WDR17: variants seen among roughly 807,000 people sequenced by gnomAD.
The protein encoded by WDR17 is WD repeat-containing protein 17.
Under a neutral mutation model 161.7 loss-of-function variants are expected in WDR17, and 143 were observed. That is an observed-to-expected ratio of 0.88 (90% CI 0.77 to 1.02). WDR17 has a LOEUF of 1.02. Among genes scored for constraint, WDR17 ranks in the 50% least tolerant of loss-of-function variants. The probability of loss-of-function intolerance (pLI) is 0.00; values close to 1 mark genes in which losing one functional copy is unlikely to be tolerated. For synonymous variants in WDR17, 517 were observed against 515.6 expected (o/e 1.00, Z -0.04); for missense variants, 1,469 against 1,520.9 (o/e 0.97, Z 0.57).
Position 176,172,451 on chromosome 4 carries a change from T to A in WDR17, c.3179T>A (p.Val1060Glu). Residue 1060 changes from valine to glutamate, a missense_variant, in exon 24 of 29, where the codon GTA becomes GAA. Val to Glu is a moderately radical substitution (Grantham distance 121). Transcript: ENST00000508596. Reference sequence around the variant, plus strand: ...GCAGATGACAATATATTTGAAACTGTAAAATATTACTTGTTAAGTCAAGAA... The same window carrying A: ...GCAGATGACAATATATTTGAAACTGAAAAATATTACTTGTTAAGTCAAGAA... The part of the protein sequence containing the change: ...ARADDNIFET[V>E]KYYLLSQEPE... 1.2e-6 allele frequency: 2 copies of A among 1,611,768 alleles called. No individual in the cohort carries two copies. Among genetic ancestry groups the A allele is most frequent in the Non-Finnish European group, 1.7e-6 (2 of 1,179,330 alleles).
At chr4:176,105,301 A>G (rs1005174989) in intron 1 of WDR17, among the ~76,000 whole-genome samples, 1 of 152,076 alleles carries the variant, frequency 6.6e-6, no homozygotes, top group Non-Finnish European at 1.5e-5. Flanking sequence ...CCCATTCTCA[A>G]TAATGAATAC....
At position 176,182,323 on chromosome 4, in the gene WDR17, GTCAA is replaced by G. The variant is rs1219261153; in HGVS notation, c.*2749_*2752del. The G allele has an allele frequency of 2.0e-5, 3 of 151,292 alleles. No individual in the cohort carries two copies. Among genetic ancestry groups the G allele is most frequent in the African/African-American group, 2.4e-5 (1 of 41,194 alleles). 9.4% of individuals were successfully genotyped at this position (151,292 alleles called of 1,614,324 possible). A position where few individuals can be genotyped will look rare whatever the true frequency, so the allele number is the denominator to read the frequency against. On this transcript the variant is annotated 3_prime_UTR_variant, in exon 29 of 29. Coordinates refer to ENST00000508596, the MANE Select transcript of WDR17 (RefSeq NM_181265.4). This position sits in a 1 kb window ranked among gnomAD's most constrained non-coding sequence, Gnocchi z 4.2. ...TCTTGTGAAAATATATGATTTTTAT[GTCAA>G]TCAAGACAAATGAAATATATATGTA...
chr4:176,177,754 A>T (rs1050944820), intron 28 of WDR17, 100 bp downstream of exon 28: 9 of 1,232,528 alleles, frequency 7.3e-6, no homozygotes, highest in Non-Finnish European at 1.0e-5. Flanking sequence ...AAAGTAGGTA[A>T]TTTAGGACTG....
intron 1 of WDR17, among the ~76,000 whole-genome samples, chr4:176,067,524 C>T (rs1256705347): frequency 6.6e-6 from 1 of 152,222 alleles, no homozygotes; most frequent in African/African-American, 2.4e-5. Context: ...GCTTAAAAAA[C>T]TGTGGACATC....
In WDR17 at chr4:176,125,356, G is replaced by A; in HGVS notation, c.790+1G>A. The A allele has an allele frequency of 6.2e-7, 1 of 1,613,592 alleles. No homozygotes were observed. ...GCTCCTGGGATGTTTATAACTGGAG[G>A]TAAGCTAATCCCCATAACCCAGAGT... is the stretch of plus-strand genomic sequence containing the variant. On this transcript the variant is annotated splice_donor_variant, in intron 5 of 28. Coordinates refer to ENST00000508596, the MANE Select transcript of WDR17 (RefSeq NM_181265.4). LOFTEE classifies it high-confidence loss of function.
chr4:176,145,955 A>T (rs942038157), intron 11 of WDR17, 40 bp from the exon 12 acceptor site: 12 of 1,558,150 alleles, frequency 7.7e-6, no homozygotes, highest in Non-Finnish European at 7.0e-6. Flanking sequence ...GTTATATATC[A>T]TATTTATCCT....
chr4:176,127,421 A>C (rs1046249972), intron 5 of WDR17, among the ~76,000 whole-genome samples: 1 of 151,768 alleles, frequency 6.6e-6, no homozygotes, highest in East Asian at 1.9e-4. Context: ...CCTCCCGAGT[A>C]GCTGAGATTG....
intron 8 of WDR17, among the ~76,000 whole-genome samples, chr4:176,136,394 C>T (rs7687047): frequency 0.25 from 37,927 of 151,410 alleles, 4,896 homozygotes; most frequent in African/African-American, 0.29. Context: ...ACTCTTCATC[C>T]TACAAAAGTA....
Position 176,068,906 on chromosome 4 carries a change from A to T in WDR17, c.-7+2827A>T, listed in dbSNP as rs553281197. 7.2e-5 allele frequency among the ~76,000 whole-genome samples: 11 copies of T among 152,304 alleles called. No homozygotes were observed. The South Asian group carries it at 2.3e-3, about 32-fold the overall frequency. ...AAACCTAGAGAAAAACATTTTTCTTATTTGAGTTTACTTAAAATGTTCACG... is the reference window on the plus strand; with the variant it reads ...AAACCTAGAGAAAAACATTTTTCTTTTTTGAGTTTACTTAAAATGTTCACG... On this transcript the variant is annotated intron_variant, in intron 1 of 28. Coordinates refer to ENST00000508596, the MANE Select transcript of WDR17 (RefSeq NM_181265.4).
rs754307391 is a variant in WDR17, at chr4:176,119,981, T to C, written c.422T>C (p.Val141Ala). Residue 141 changes from valine (V) to alanine (A), a missense_variant, in exon 4 of 29, where the codon GTA (valine) becomes GCA (alanine). By Grantham distance (64) the Val-to-Ala change is moderately conservative. Transcript: ENST00000508596. ...TISGPDSGVI[V>A]HKDAHSFLSD... Reference sequence around the variant, plus strand: ...TCAGGACCAGATAGTGGAGTGATTGTACACAAAGATGCTCATAGCTTCTTG... The same window carrying C: ...TCAGGACCAGATAGTGGAGTGATTGCACACAAAGATGCTCATAGCTTCTTG... 1 of 1,614,074 alleles carries C rather than the reference T, an allele frequency of 6.2e-7. No individual in the cohort carries two copies. The highest frequency in any genetic ancestry group is 8.5e-7 in the Non-Finnish European group (1 of 1,179,988).
At chr4:176,173,036 T>C (rs1026342289) in intron 24 of WDR17, among the ~76,000 whole-genome samples, 1 of 152,100 alleles carries the variant, frequency 6.6e-6, no homozygotes, top group African/African-American at 2.4e-5. Context: ...AATCAAGAAC[T>C]AGTCATCCTA....
At position 176,130,605 on chromosome 4, in the gene WDR17, C is replaced by T. The variant is rs529916994; in HGVS notation, c.914-949C>T. Among the ~76,000 whole-genome samples, 298 of 151,920 alleles carry T rather than the reference C, an allele frequency of 2.0e-3. 1 individual carries two copies. The highest frequency in any genetic ancestry group is 3.2e-3 in the Non-Finnish European group (215 of 67,946). On this transcript the variant is annotated intron_variant, in intron 6 of 28. Coordinates refer to ENST00000508596, the MANE Select transcript of WDR17 (RefSeq NM_181265.4). ...TAAAAATACAAAAAAATTAGCCGGG[C>T]GTGGTGGCAGGAGCCTGTAGTCCCA... is the stretch of plus-strand genomic sequence containing the variant.
chr4:176,150,649 T>C (rs1746969117), intron 16 of WDR17, 56 bp downstream of exon 16: 2 of 1,507,734 alleles, frequency 1.3e-6, no homozygotes, highest in East Asian at 4.7e-5. Context: ...CTTTTCACTA[T>C]TAAAATGTAA....
chr4:176,114,090 A>C (rs1740212245), intron 2 of WDR17, among the ~76,000 whole-genome samples: 1 of 152,074 alleles, frequency 6.6e-6, no homozygotes, highest in Admixed American at 6.5e-5. Context: ...CACATTTACT[A>C]TATTAATAGA....
At chr4:176,126,052 A>G (rs1407881466) in intron 5 of WDR17, among the ~76,000 whole-genome samples, 1 of 152,204 alleles carries the variant, frequency 6.6e-6, no homozygotes, top group East Asian at 1.9e-4. Flanking sequence ...CACTGTCTAT[A>G]TTAATCCATT....
intron 4 of WDR17, among the ~76,000 whole-genome samples, chr4:176,122,191 C>T (rs1285638098): frequency 6.6e-6 from 1 of 152,160 alleles, no homozygotes; most frequent in Non-Finnish European, 1.5e-5. Flanking sequence ...TAACTGCAGT[C>T]TTCACATGGC....
At chr4:176,070,440 A>G (rs562900176) in intron 1 of WDR17, among the ~76,000 whole-genome samples, 1 of 152,188 alleles carries the variant, frequency 6.6e-6, no homozygotes, top group Non-Finnish European at 1.5e-5. Flanking sequence ...GCCTCTGTCA[A>G]TATATTGAAT....
chr4:176,081,860 C>A (rs1199333208), intron 1 of WDR17, among the ~76,000 whole-genome samples: 1 of 152,102 alleles, frequency 6.6e-6, no homozygotes, highest in Admixed American at 6.6e-5. Context: ...CTGACATAGA[C>A]CAAACATCAT....
At chr4:176,105,748 T>C (rs1176674361) in intron 1 of WDR17, among the ~76,000 whole-genome samples, 1 of 152,128 alleles carries the variant, frequency 6.6e-6, no homozygotes, top group Non-Finnish European at 1.5e-5. Flanking sequence ...CTATAAATGC[T>C]TTCATTAAAG....
Sources: gnomAD v4.1 joint callset for allele counts (sites outside exome capture counted in the v4.1 genomes callset) on GRCh38, gnomAD v4.1.1 for gene constraint, Gnocchi (gnomAD v3.1) non-coding constraint, MANE v1.5 for transcripts, NCBI Gene and HGNC (gene_info 2026-07-23, HGNC 2026-07-21) for gene names.